The following USP4 variants were observed in gnomAD, a reference collection of about 807,000 sequenced individuals.
USP4 encodes the protein ubiquitin carboxyl-terminal hydrolase 4.
Under a neutral mutation model 118.2 loss-of-function variants are expected in USP4, and 72 were observed. That is an observed-to-expected ratio of 0.61 (90% CI 0.50 to 0.74). USP4 has a LOEUF of 0.74. Among genes scored for constraint, USP4 ranks in the 30% least tolerant of loss-of-function variants. USP4 has a pLI of 0.00. For synonymous variants in USP4, 415 were observed against 440.4 expected (o/e 0.94, Z 0.72); for missense variants, 1,037 against 1,185.7 (o/e 0.87, Z 1.84).
intron 2 of USP4, among the ~76,000 whole-genome samples, chr3:49,328,420 C>CA (rs1178366945): frequency 2.6e-5 from 4 of 152,124 alleles, no homozygotes; most frequent in African/African-American, 9.7e-5. Flanking sequence ...CTAGTTTACA[C>CA]ACCTTTTTCA....
chr3:49,310,623 C>T lies in USP4; in HGVS notation c.951G>A (p.Leu317=), dbSNP rs745718488. The change falls in exon 8 of 22, where the codon TTG becomes TTA. Residue 317 remains leucine, a synonymous_variant. Coordinates refer to ENST00000265560, the MANE Select transcript of USP4 (RefSeq NM_003363.4). ...GAATGGAAGTTCTCTCCTCTACCTG[C>T]AAAGCGGAGTTCATGAAGCAGGTGT... ...LGNTCFMNSA[L]QCLSNTAPLT... is the part of the protein sequence containing the mutation. 14 of 1,613,082 alleles carry T rather than the reference C, an allele frequency of 8.7e-6. No homozygotes were observed. The Admixed American group carries it at 2.3e-4, about 27-fold the overall frequency.
intron 7 of USP4, 89 bp from the exon 8 acceptor site, chr3:49,310,826 G>A: frequency 1.0e-6 from 1 of 994,178 alleles, no homozygotes. Flanking sequence ...GGGGCCTCTA[G>A]AACTTGTGTG....
chr3:49,312,358 G>A (rs541412136), intron 6 of USP4: 152 of 396,342 alleles, frequency 3.8e-4, no homozygotes, highest in African/African-American at 2.9e-3. Context: ...ACATGGTGGC[G>A]GGCGCCTGTC....
At chr3:49,283,008 C>CTTT (rs71077783) in intron 19 of USP4, among the ~76,000 whole-genome samples, 19 of 78,262 alleles carry the variant, frequency 2.4e-4, no homozygotes, top group Middle Eastern at 0.012. Flanking sequence ...GTGCCGGCCT[C>CTTT]TTTTTTTTTT....
At chr3:49,291,088 C>T (rs1480292750) in intron 15 of USP4, among the ~76,000 whole-genome samples, 1 of 151,974 alleles carries the variant, frequency 6.6e-6, no homozygotes, top group Non-Finnish European at 1.5e-5. Flanking sequence ...CCTGCCTCAG[C>T]CTCCCAAGTA....
At chr3:49,298,003 A>G in intron 12 of USP4, 39 bp from the exon 13 acceptor site, 1 of 1,360,688 alleles carries the variant, frequency 7.3e-7, no homozygotes, top group South Asian at 1.2e-5. Context: ...CAGAATGGCT[A>G]AGAGTGCCCC....
chr3:49,309,073 C>CTCCATAGG (rs1380976921), intron 8 of USP4, among the ~76,000 whole-genome samples: 2 of 150,080 alleles, frequency 1.3e-5, no homozygotes, highest in Non-Finnish European at 3.0e-5. Flanking sequence ...CATGTACTGA[C>CTCCATAGG]TCCATAGGTA....
chr3:49,286,084 G>A lies in USP4; in HGVS notation c.2200+14C>T. ...CCCTAAAGCCCAGCTTGAAAGGTCA[G>A]AAAAAGTGCTTACAGTTGAGTTTAA... On this transcript the variant is annotated intron_variant, in intron 16 of 21. Coordinates refer to ENST00000265560, the MANE Select transcript of USP4 (RefSeq NM_003363.4). 1.2e-6 allele frequency: 2 copies of A among 1,613,580 alleles called. No homozygotes were observed. The highest frequency in any genetic ancestry group is 1.7e-6 in the Non-Finnish European group (2 of 1,179,516).
intron 2 of USP4, 80 bp downstream of exon 2, chr3:49,335,389 A>C: frequency 6.3e-7 from 1 of 1,589,060 alleles, no homozygotes; most frequent in Non-Finnish European, 8.6e-7. Context: ...GAAAGTTCAC[A>C]ACGTCCATGT....
At chr3:49,309,767 C>T (rs2047362405) in intron 8 of USP4, among the ~76,000 whole-genome samples, 2 of 150,916 alleles carry the variant, frequency 1.3e-5, no homozygotes, top group African/African-American at 2.4e-5. Flanking sequence ...GCTTGGATTA[C>T]AGGCGTGTGC....
At chr3:49,310,503 G>A (rs1199556061) in intron 8 of USP4, 117 bp downstream of exon 8, 4 of 845,488 alleles carry the variant, frequency 4.7e-6, no homozygotes, top group Non-Finnish European at 8.0e-6. Flanking sequence ...GACTACTGAA[G>A]CACCAACAAG....
chr3:49,337,311 TATAA>T (rs1390087872), intron 1 of USP4, among the ~76,000 whole-genome samples: 1 of 152,116 alleles, frequency 6.6e-6, no homozygotes, highest in South Asian at 2.1e-4. Flanking sequence ...CGTGTACATA[TATAA>T]ATATACACAT....
intron 2 of USP4, among the ~76,000 whole-genome samples, chr3:49,329,632 T>C (rs1253320105): frequency 6.6e-6 from 1 of 152,030 alleles, no homozygotes; most frequent in Non-Finnish European, 1.5e-5. Context: ...AATTCCTGGG[T>C]TCAAAGGATC....
intron 2 of USP4, among the ~76,000 whole-genome samples, chr3:49,331,360 C>A (rs550593621): frequency 2.0e-5 from 3 of 152,100 alleles, no homozygotes; most frequent in South Asian, 2.1e-4. Context: ...GTGGCTCATG[C>A]CTGTAATCCC....
chr3:49,296,027 C>T (rs575749470), intron 13 of USP4, among the ~76,000 whole-genome samples: 68 of 152,086 alleles, frequency 4.5e-4, no homozygotes, highest in Non-Finnish European at 6.2e-4. Flanking sequence ...CAGTGTACAA[C>T]ACATTAAAAA....
chr3:49,332,827 C>G (rs2047632378), intron 2 of USP4, among the ~76,000 whole-genome samples: 1 of 152,082 alleles, frequency 6.6e-6, no homozygotes, highest in Non-Finnish European at 1.5e-5. Context: ...CCCAGGAATT[C>G]AAGATCAACC....
intron 6 of USP4, among the ~76,000 whole-genome samples, chr3:49,322,071 C>T (rs1339267227): frequency 1.3e-5 from 2 of 152,182 alleles, no homozygotes; most frequent in Non-Finnish European, 2.9e-5. Flanking sequence ...CATGTAACCA[C>T]TACCCTGACC....
chr3:49,297,749 G>T, intron 13 of USP4, 121 bp downstream of exon 13: 4 of 780,728 alleles, frequency 5.1e-6, no homozygotes, highest in South Asian at 3.2e-5. Context: ...GCACCCAGGG[G>T]TCAGGGCCAA....
intron 6 of USP4, among the ~76,000 whole-genome samples, chr3:49,319,781 T>C (rs2047480508): frequency 6.6e-6 from 1 of 151,870 alleles, no homozygotes; most frequent in Admixed American, 6.6e-5. Context: ...TCCTGGCTAA[T>C]TTTCTGTACT....
Sources: allele counts gnomAD v4.1 joint callset (sites outside exome capture counted in the v4.1 genomes callset), GRCh38; gene constraint gnomAD v4.1.1; transcripts MANE v1.5; gene names NCBI Gene and HGNC (gene_info 2026-07-23, HGNC 2026-07-21).